VCPIP1: variants seen among roughly 807,000 people sequenced by gnomAD.
VCPIP1 encodes valosin containing protein interacting protein 1.
A neutral mutation model predicts 85.0 loss-of-function variants in VCPIP1; 8 were observed. That is an observed-to-expected ratio of 0.09 (90% CI 0.06 to 0.17). VCPIP1 has a LOEUF of 0.17. Ranked by LOEUF, VCPIP1 falls within the 10% of genes least tolerant of loss-of-function variation. VCPIP1 has a pLI of 1.00. For synonymous variants in VCPIP1, 543 were observed against 544.5 expected (o/e 1.00, Z 0.04); for missense variants, 1,070 against 1,486.3 (o/e 0.72, Z 4.61).
Position 66,630,161 on chromosome 8 carries a change from C to CACTAT in VCPIP1, c.*4335_*4339dup, listed in dbSNP as rs1240026493. ...CTGTACAGTAAGGTGTGCTGTAGAA[C>CACTAT]ACTATAATACACTATTACCAATTAT... On this transcript the variant is annotated 3_prime_UTR_variant, in exon 3 of 3. Coordinates refer to ENST00000310421, the MANE Select transcript of VCPIP1 (RefSeq NM_025054.5). 6.6e-6 allele frequency: 1 copy of CACTAT among 152,044 alleles called. No individual in the cohort carries two copies. Among genetic ancestry groups the CACTAT allele is most frequent in the Admixed American group, 6.5e-5 (1 of 15,268 alleles). 9.4% of individuals were successfully genotyped at this position (152,044 alleles called of 1,614,324 possible). A position where few individuals can be genotyped will look rare whatever the true frequency, so the allele number is the denominator to read the frequency against.
Position 66,664,689 on chromosome 8 carries a change from G to C in VCPIP1, c.2270C>G (p.Ser757Cys). Reference sequence around the variant, plus strand: ...AGCCTTGGTAGGTGTAGCAGGTGCAGAGGATGGACCATCACGAATGGTACT... The same window carrying C: ...AGCCTTGGTAGGTGTAGCAGGTGCACAGGATGGACCATCACGAATGGTACT... ...SPSTIRDGPS[S>C]APATPTKAPY... is the part of the protein sequence containing the mutation. Residue 757 changes from serine to cysteine, a missense_variant, in exon 1 of 3, where the codon TCT (serine) becomes TGT (cysteine). By Grantham distance (112) the Ser-to-Cys change is moderately radical (BLOSUM62 -1). Around this residue, in one of 8 missense-constraint regions of VCPIP1, gnomAD observed 278 missense variants for 298.5 expected, o/e 0.93. Coordinates refer to ENST00000310421, the MANE Select transcript of VCPIP1 (RefSeq NM_025054.5). 1 of 1,613,804 alleles carries C rather than the reference G, an allele frequency of 6.2e-7. No individual in the cohort carries two copies. Among genetic ancestry groups the C allele is most frequent in the Non-Finnish European group, 8.5e-7 (1 of 1,179,852 alleles).
intron 2 of VCPIP1, among the ~76,000 whole-genome samples, chr8:66,645,231 G>A (rs1028295786): frequency 3.3e-4 from 50 of 150,400 alleles, no homozygotes; most frequent in African/African-American, 1.1e-3. Flanking sequence ...CAGCTTGGCC[G>A]ACATAGTGAA....
Position 66,629,493 on chromosome 8 carries a change from A to C in VCPIP1, c.*5008T>G, listed in dbSNP as rs1042018887. 5.9e-5 allele frequency: 9 copies of C among 152,194 alleles called. No homozygotes were observed. Among genetic ancestry groups the C allele is most frequent in the Admixed American group, 2.0e-4 (3 of 15,272 alleles). The allele number at this position is 152,194 out of a possible 1,614,324, so 9.4% of individuals were successfully genotyped here. A position where few individuals can be genotyped will look rare whatever the true frequency, so the allele number is the denominator to read the frequency against. On this transcript the variant is annotated 3_prime_UTR_variant, in exon 3 of 3. Transcript: ENST00000310421. ...ACCACAAAATCAAGTTCTCTGTTAG[A>C]ATTTGCCTTCATTTTTAAATATTCA...
chr8:66,663,843 A>G (rs1811180076), intron 1 of VCPIP1, among the ~76,000 whole-genome samples: 2 of 152,210 alleles, frequency 1.3e-5, no homozygotes, highest in Admixed American at 1.3e-4. Flanking sequence ...ACTGCAATTC[A>G]TCAAACAGGA....
At position 66,665,371 on chromosome 8, in the gene VCPIP1, A is replaced by G. The variant is rs896083227; in HGVS notation, c.1588T>C (p.Tyr530His). Residue 530 changes from tyrosine to histidine, a missense_variant, in exon 1 of 3, where the codon TAT (tyrosine) becomes CAT (histidine). Transcript: ENST00000310421. This position sits in a 1 kb window ranked among gnomAD's most constrained non-coding sequence, Gnocchi z 4.3. ...DSVKDVLVPD[Y>H]GMSNLTACNW... ...CAAGCTGTTAGGTTACTCATTCCAT[A>G]GTCTGGTACCAGAACATCTTTCACT... The G allele has an allele frequency of 3.2e-5, 51 of 1,614,076 alleles. No individual in the cohort carries two copies. Among genetic ancestry groups the G allele is most frequent in the Non-Finnish European group, 4.2e-5 (49 of 1,180,030 alleles).
rs1019384396 is a variant in VCPIP1 at position 66,665,325 on chromosome 8, G to C, written c.1634C>G (p.Ser545Cys). Reference protein sequence around the residue: ...LTACNWCHGTSVRKVRGDGSI... With the variant: ...LTACNWCHGTCVRKVRGDGSI... ...CCCATCTCCTCTGACCTTTCGCACA[G>C]ATGTGCCATGGCACCAATTACAAGC... The change falls in exon 1 of 3, where the codon TCT becomes TGT. Residue 545 changes from serine (S) to cysteine (C), a missense_variant. By Grantham distance (112) the Ser-to-Cys change is moderately radical (BLOSUM62 -1). This residue lies in a region of VCPIP1 where 123 missense variants were observed against 156.3 expected (regional missense o/e 0.79). Transcript: ENST00000310421. The surrounding 1 kb of genome is among the most constrained non-coding windows in gnomAD (Gnocchi z 4.3). 1.7e-5 allele frequency: 28 copies of C among 1,613,790 alleles called. 1 individual carries two copies. The highest frequency in any genetic ancestry group is 3.3e-5 in the Admixed American group (2 of 59,982).
chr8:66,664,571 G>T lies in VCPIP1; in HGVS notation c.2388C>A (p.Thr796=). Reference sequence around the variant, plus strand: ...CTATACTTTCCTGAAGTTCAAAAAAGGTTGTTGAAGACTTAAGGGTAACCA... The same window carrying T: ...CTATACTTTCCTGAAGTTCAAAAAATGTTGTTGAAGACTTAAGGGTAACCA... ...QSMVTLKSST[T]FFELQESIAR... The change falls in exon 1 of 3, where the codon ACC becomes ACA. Residue 796 remains threonine, a synonymous_variant. Coordinates refer to ENST00000310421, the MANE Select transcript of VCPIP1 (RefSeq NM_025054.5). The T allele has an allele frequency of 6.2e-7, 1 of 1,614,148 alleles. No individual in the cohort carries two copies. Among genetic ancestry groups the T allele is most frequent in the Non-Finnish European group, 8.5e-7 (1 of 1,180,028 alleles).
Position 66,634,891 on chromosome 8 carries a change from G to A in VCPIP1, c.3279C>T (p.Asp1093=), listed in dbSNP as rs201462412. 202 of 1,613,880 alleles carry A rather than the reference G, an allele frequency of 1.3e-4. No individual in the cohort carries two copies. In the East Asian group the frequency reaches 2.3e-3, roughly 18 times the overall value. ...CCAAATCAGGATCAAGCTGCCTGCCGTCTCTCATTGTTACTACTCCAGGAG... is the reference window on the plus strand; with the variant it reads ...CCAAATCAGGATCAAGCTGCCTGCCATCTCTCATTGTTACTACTCCAGGAG... ...RIAPGVVTMR[D]GRQLDPDLVE... Residue 1093 remains aspartate (D), a synonymous_variant, in exon 3 of 3, where the codon GAC becomes GAT. Coordinates refer to ENST00000310421, the MANE Select transcript of VCPIP1 (RefSeq NM_025054.5).
At chr8:66,661,603 G>C (rs1811158009) in intron 1 of VCPIP1, among the ~76,000 whole-genome samples, 1 of 151,470 alleles carries the variant, frequency 6.6e-6, no homozygotes, top group African/African-American at 2.4e-5. Flanking sequence ...AGGTGTGGTG[G>C]CACATGCCTG....
intron 1 of VCPIP1, among the ~76,000 whole-genome samples, chr8:66,655,839 TC>T (rs1358988400): frequency 6.6e-6 from 1 of 152,134 alleles, no homozygotes; most frequent in African/African-American, 2.4e-5. Context: ...TTCAACTGTT[TC>T]TTCATACTAC....
In VCPIP1 at chr8:66,665,388, T is replaced by C. The variant is rs1256681598; in HGVS notation, c.1571A>G (p.Asp524Gly). 5 of 1,614,116 alleles carry C rather than the reference T, an allele frequency of 3.1e-6. No homozygotes were observed. Among genetic ancestry groups the C allele is most frequent in the African/African-American group, 2.7e-5 (2 of 74,942 alleles). ...NLVCSYDSVK[D>G]VLVPDYGMSN... is the part of the protein sequence containing the mutation. ...CATTCCATAGTCTGGTACCAGAACA[T>C]CTTTCACTGAATCATATGAGCAAAC... The change falls in exon 1 of 3, where the codon GAT becomes GGT. Residue 524 changes from aspartate (D) to glycine (G), a missense_variant. This residue lies in a region of VCPIP1 where 123 missense variants were observed against 156.3 expected (regional missense o/e 0.79). Transcript: ENST00000310421. The surrounding 1 kb of genome is among the most constrained non-coding windows in gnomAD (Gnocchi z 4.3).
chr8:66,663,439 T>C (rs1231185320), intron 1 of VCPIP1, among the ~76,000 whole-genome samples: 2 of 152,198 alleles, frequency 1.3e-5, no homozygotes, highest in East Asian at 3.8e-4. Flanking sequence ...CTTTAAGACT[T>C]AGTAAAGCAT....
Position 66,660,105 on chromosome 8 carries a change from AG to A in VCPIP1, c.2710+4143del, listed in dbSNP as rs1377790613. ...GGAACTCCTTCAGCTGAAAGCCTGC[AG>A]GTAAGTTAATGGAGGGCAAGCACTG... is the stretch of plus-strand genomic sequence containing the variant. On this transcript the variant is annotated intron_variant, in intron 1 of 2. Transcript: ENST00000310421. 2.0e-5 allele frequency among the ~76,000 whole-genome samples: 3 copies of A among 152,216 alleles called. No individual in the cohort carries two copies. The East Asian group carries it at 5.8e-4, about 29-fold the overall frequency.
At chr8:66,660,120 G>A (rs1449515345) in intron 1 of VCPIP1, among the ~76,000 whole-genome samples, 1 of 152,116 alleles carries the variant, frequency 6.6e-6, no homozygotes, top group Non-Finnish European at 1.5e-5. Context: ...AGTTAATGGA[G>A]GGCAAGCACT....
rs1465096398 is a variant in VCPIP1, at chr8:66,633,554, T to A, written c.*947A>T. 4 of 149,262 alleles carry A rather than the reference T, an allele frequency of 2.7e-5. No individual in the cohort carries two copies. Among genetic ancestry groups the A allele is most frequent in the African/African-American group, 9.9e-5 (4 of 40,574 alleles). The allele number at this position is 149,262 out of a possible 1,614,324, so 9.2% of individuals were successfully genotyped here. A position where few individuals can be genotyped will look rare whatever the true frequency, so the allele number is the denominator to read the frequency against. ...AGTGAAGCCAACAAATAAACTCTTATGGATTCTGAAAAAAAAAAAAAAATT... is the reference window on the plus strand; with the variant it reads ...AGTGAAGCCAACAAATAAACTCTTAAGGATTCTGAAAAAAAAAAAAAAATT... On this transcript the variant is annotated 3_prime_UTR_variant, in exon 3 of 3. Transcript: ENST00000310421.
In VCPIP1 at chr8:66,666,804, G is replaced by A. The variant is rs752236626; in HGVS notation, c.155C>T (p.Pro52Leu). Residue 52 changes from proline (P) to leucine (L), a missense_variant, in exon 1 of 3, where the codon CCG becomes CTG. Physicochemically the swap from Pro to Leu is moderately conservative, Grantham distance 98. Coordinates refer to ENST00000310421, the MANE Select transcript of VCPIP1 (RefSeq NM_025054.5). The surrounding 1 kb of genome is among the most constrained non-coding windows in gnomAD (Gnocchi z 6.3). ...GAAAAATAGACGCGCCTGACACTTCGGATCCGGGCAGCTCCCGGAAAGGAT... is the reference window on the plus strand; with the variant it reads ...GAAAAATAGACGCGCCTGACACTTCAGATCCGGGCAGCTCCCGGAAAGGAT... The part of the protein sequence containing the change: ...RRILSGSCPD[P>L]KCQARLFFPA... 10 of 1,613,984 alleles carry A rather than the reference G, an allele frequency of 6.2e-6. No homozygotes were observed. In the South Asian group the frequency reaches 9.9e-5, roughly 16 times the overall value.
rs775681545 is a variant in VCPIP1 at position 66,630,466 on chromosome 8, T to A, written c.*4035A>T. 4 of 152,620 alleles carry A rather than the reference T, an allele frequency of 2.6e-5. No homozygotes were observed. The highest frequency in any genetic ancestry group is 5.9e-5 in the Non-Finnish European group (4 of 68,036). 9.5% of individuals were successfully genotyped at this position (152,620 alleles called of 1,614,324 possible). A position where few individuals can be genotyped will look rare whatever the true frequency, so the allele number is the denominator to read the frequency against. ...GTCTTGCATTGCTCTACCACAGGCA[T>A]AATAAGGGCTCAGGACGAGATTTCT... is the stretch of plus-strand genomic sequence containing the variant. On this transcript the variant is annotated 3_prime_UTR_variant, in exon 3 of 3. Coordinates refer to ENST00000310421, the MANE Select transcript of VCPIP1 (RefSeq NM_025054.5).
intron 1 of VCPIP1, among the ~76,000 whole-genome samples, chr8:66,663,472 A>C (rs562048541): frequency 6.6e-6 from 1 of 152,360 alleles, no homozygotes; most frequent in African/African-American, 2.4e-5. Flanking sequence ...CAAAACAAAG[A>C]CTAAGCAAAT....
intron 2 of VCPIP1, among the ~76,000 whole-genome samples, chr8:66,646,803 T>C (rs9773968): frequency 2.6e-5 from 4 of 151,242 alleles, no homozygotes; most frequent in African/African-American, 9.7e-5. Context: ...CTCAAAAAAA[T>C]AAATAAATAC....
Sources: gnomAD v4.1 joint callset for allele counts (sites outside exome capture counted in the v4.1 genomes callset) on GRCh38, gnomAD v4.1.1 for gene constraint, gnomAD v4.1.1 regional missense constraint, Gnocchi (gnomAD v3.1) non-coding constraint, MANE v1.5 for transcripts, NCBI Gene and HGNC (gene_info 2026-07-23, HGNC 2026-07-21) for gene names.